Variants in TXNDC15 observed in about 807,000 individuals in gnomAD.
TXNDC15 encodes thioredoxin domain-containing protein 15.
TXNDC15 carries 24 observed loss-of-function variants against 35.0 expected under a neutral mutation model. The observed-to-expected ratio is 0.68, with a 90% CI of 0.50 to 0.96. The LOEUF is 0.96. Ranked by LOEUF, TXNDC15 falls within the 40% of genes least tolerant of loss-of-function variation. TXNDC15 has a pLI of 0.00. For synonymous variants in TXNDC15, 169 were observed against 174.0 expected, an observed-to-expected ratio of 0.97 and a Z score of 0.23; for missense variants, 385 against 453.3, an observed-to-expected ratio of 0.85 and a Z score of 1.37.
chr5:134,897,366 G>A (rs11744247), intron 4 of TXNDC15, among the ~76,000 whole-genome samples: 4 of 151,988 alleles, frequency 2.6e-5, no homozygotes, highest in Non-Finnish European at 5.9e-5. Flanking sequence ...TCCTGCCTCA[G>A]CCTTTCTAGT....
intron 2 of TXNDC15, among the ~76,000 whole-genome samples, chr5:134,891,495 T>C (rs1384894446): frequency 6.6e-6 from 1 of 152,204 alleles, no homozygotes; most frequent in Non-Finnish European, 1.5e-5. Flanking sequence ...GTCTCAACAG[T>C]GGGCCTAAAA....
chr5:134,879,949 C>T (rs1750109600), intron 1 of TXNDC15, among the ~76,000 whole-genome samples: 1 of 152,144 alleles, frequency 6.6e-6, no homozygotes, highest in Non-Finnish European at 1.5e-5. Flanking sequence ...GTGCATGCCG[C>T]CACATCTGGC....
chr5:134,881,798 C>T (rs976819712), intron 1 of TXNDC15, among the ~76,000 whole-genome samples: 7 of 147,006 alleles, frequency 4.8e-5, no homozygotes, highest in African/African-American at 1.5e-4. Flanking sequence ...CCGGACGGGG[C>T]GGCTGGCCGG....
intron 2 of TXNDC15, among the ~76,000 whole-genome samples, chr5:134,889,862 A>G (rs115457033): frequency 8.7e-4 from 132 of 152,346 alleles, no homozygotes; most frequent in African/African-American, 3.2e-3. Context: ...ATGCAGTAGC[A>G]TTATGTTTAA....
At chr5:134,882,327 C>A (rs1430589338) in intron 1 of TXNDC15, among the ~76,000 whole-genome samples, 2 of 150,262 alleles carry the variant, frequency 1.3e-5, no homozygotes, top group African/African-American at 2.5e-5. Flanking sequence ...GATGGGATGG[C>A]GGCCGGGCAG....
rs546378954 is a variant in TXNDC15, at chr5:134,895,293, T to C, written c.756-1001T>C. On this transcript the variant is annotated intron_variant, in intron 3 of 4. Coordinates refer to ENST00000358387, the MANE Select transcript of TXNDC15 (RefSeq NM_024715.4). The stretch of plus-strand genomic sequence containing the variant: ...GCTCAACAAATTAGTAATTTTCATA[T>C]AGGCTTCTGGGTTATATCTAAGTGA... Among the ~76,000 whole-genome samples, 184 of 152,332 alleles carry C rather than the reference T, an allele frequency of 1.2e-3. 1 individual carries two copies. The highest frequency in any genetic ancestry group is 3.4e-3 in the Middle Eastern group (1 of 294).
At chr5:134,874,368 T>C (rs1206845866), upstream of TXNDC15, 2 of 1,450,538 alleles carry the variant, frequency 1.4e-6, no homozygotes, top group Non-Finnish European at 1.8e-6. Context: ...TCCCCCAGCC[T>C]TCCTCCGGCT....
intron 1 of TXNDC15, among the ~76,000 whole-genome samples, chr5:134,884,725 G>A (rs1242224489): frequency 6.6e-6 from 1 of 151,966 alleles, no homozygotes; most frequent in Admixed American, 6.6e-5. Context: ...ATGCAATACA[G>A]TTACAATTAT....
At chr5:134,876,514 T>C (rs1170436685) in intron 1 of TXNDC15, among the ~76,000 whole-genome samples, 1 of 152,128 alleles carries the variant, frequency 6.6e-6, no homozygotes, top group African/African-American at 2.4e-5. Flanking sequence ...TTCCTTACCA[T>C]TGCTTTTCAT....
rs1750596556 is a variant in TXNDC15, at chr5:134,901,319, A to G, written c.*1634A>G. On this transcript the variant is annotated 3_prime_UTR_variant, in exon 5 of 5. Coordinates refer to ENST00000358387, the MANE Select transcript of TXNDC15 (RefSeq NM_024715.4). ...ACAACTTTTATGTGTCATGTTTCCA[A>G]CAGCTGTGTTTGGGGTGGTCACTGG... is the stretch of plus-strand genomic sequence containing the variant. 1 of 152,146 alleles carries G rather than the reference A, an allele frequency of 6.6e-6. No homozygotes were observed. The highest frequency in any genetic ancestry group is 1.5e-5 in the Non-Finnish European group (1 of 68,016). The allele number at this position is 152,146 out of a possible 1,614,324, so 9.4% of individuals were successfully genotyped here.
Position 134,893,550 on chromosome 5 carries a change from C to A in TXNDC15, c.650C>A (p.Thr217Asn), listed in dbSNP as rs1362607612. The stretch of plus-strand genomic sequence containing the variant: ...GACTGTACTCTAGTCCTGTTTTACA[C>A]CCCGTGGTGCCGCTTTTCTGCCAGT... ...GSDCTLVLFYTPWCRFSASLA... is the reference protein window; with the variant it reads ...GSDCTLVLFYNPWCRFSASLA... The change falls in exon 3 of 5, where the codon ACC becomes AAC. Residue 217 changes from threonine (T) to asparagine (N), a missense_variant. Thr to Asn is a moderately conservative substitution (Grantham distance 65, BLOSUM62 0). Transcript: ENST00000358387. The A allele has an allele frequency of 3.7e-6, 6 of 1,614,090 alleles. No individual in the cohort carries two copies. In the Admixed American group the frequency reaches 5.0e-5, roughly 13 times the overall value.
At chr5:134,875,763 G>A (rs893548363) in intron 1 of TXNDC15, among the ~76,000 whole-genome samples, 3 of 151,976 alleles carry the variant, frequency 2.0e-5, no homozygotes, top group Non-Finnish European at 4.4e-5. Flanking sequence ...TCTGACTCCC[G>A]GGTTCAAGCG....
intron 3 of TXNDC15, among the ~76,000 whole-genome samples, chr5:134,894,286 C>T (rs1750445261): frequency 6.6e-6 from 1 of 151,842 alleles, no homozygotes; most frequent in Non-Finnish European, 1.5e-5. Flanking sequence ...AACTCCTGGG[C>T]TCAAGCGATC....
At chr5:134,895,393 C>T (rs1750469366) in intron 3 of TXNDC15, among the ~76,000 whole-genome samples, 2 of 152,190 alleles carry the variant, frequency 1.3e-5, no homozygotes, top group Admixed American at 1.3e-4. Context: ...CTCCACTGCC[C>T]CCAGGCATAC....
intron 3 of TXNDC15, among the ~76,000 whole-genome samples, chr5:134,894,482 C>T (rs1750451082): frequency 6.6e-6 from 1 of 151,668 alleles, no homozygotes; most frequent in East Asian, 1.9e-4. Flanking sequence ...ATTCTCCTGC[C>T]TCAGCCTCCT....
intron 1 of TXNDC15, among the ~76,000 whole-genome samples, chr5:134,876,232 G>C (rs1005432302): frequency 2.0e-5 from 3 of 152,172 alleles, no homozygotes; most frequent in Non-Finnish European, 1.5e-5. Flanking sequence ...CTGTGTGGCT[G>C]TCCTGTGTGG....
At chr5:134,887,345 C>T (rs1438060214) in intron 1 of TXNDC15, among the ~76,000 whole-genome samples, 1 of 152,008 alleles carries the variant, frequency 6.6e-6, no homozygotes, top group Admixed American at 6.5e-5. Flanking sequence ...CCACCATGCC[C>T]GGCTAATTTT....
At position 134,896,800 on chromosome 5, in the gene TXNDC15, T is replaced by C. The variant is rs1463616606; in HGVS notation, c.886+376T>C. On this transcript the variant is annotated intron_variant, in intron 4 of 4. Transcript: ENST00000358387. Reference sequence around the variant, plus strand: ...CTGGGACTACAGGCGCCCGCCACCATACCCGGCTAATTTTTTGTATTTTTA... The same window carrying C: ...CTGGGACTACAGGCGCCCGCCACCACACCCGGCTAATTTTTTGTATTTTTA... 4.6e-5 allele frequency among the ~76,000 whole-genome samples: 7 copies of C among 151,710 alleles called. No individual in the cohort carries two copies. The South Asian group carries it at 1.0e-3, about 23-fold the overall frequency.
intron 2 of TXNDC15, among the ~76,000 whole-genome samples, 162 bp downstream of exon 2, chr5:134,888,344 T>A (rs1750319933): frequency 6.6e-6 from 1 of 152,176 alleles, no homozygotes; most frequent in Admixed American, 6.6e-5. Context: ...CTCTGTGATG[T>A]TTATAGGGAG....
Sources: allele counts gnomAD v4.1 joint callset (sites outside exome capture counted in the v4.1 genomes callset), GRCh38; gene constraint gnomAD v4.1.1; transcripts MANE v1.5; gene names NCBI Gene and HGNC (gene_info 2026-07-23, HGNC 2026-07-21).